LINGO2: variants seen among roughly 807,000 people sequenced by gnomAD.
LINGO2 encodes the protein leucine-rich repeat and immunoglobulin-like domain-containing nogo receptor-interacting protein 2.
Under a neutral mutation model 30.6 loss-of-function variants are expected in LINGO2, and 14 were observed. The ratio of observed to expected loss-of-function variants is 0.46; its 90% CI spans 0.30 to 0.72. LINGO2 has a LOEUF of 0.72. LINGO2 is among the 30% of genes least tolerant of loss of function. The pLI is 0.07. For missense variants in LINGO2, 729 were observed against 751.7 expected (o/e 0.97, Z 0.35); for synonymous variants, 317 against 288.5 (o/e 1.10, Z -1.00).
intron 1 of LINGO2, among the ~76,000 whole-genome samples, chr9:28,642,063 ATGTG>A (rs35732736): frequency 4.7e-5 from 7 of 149,360 alleles, no homozygotes; most frequent in African/African-American, 1.5e-4. Context: ...AATGTTATAT[ATGTG>A]TGTGTGTGTG....
the LINGO2 span, among the ~76,000 whole-genome samples, chr9:28,811,136 G>A: frequency 1.3e-5 from 2 of 151,864 alleles, no homozygotes; most frequent in African/African-American, 4.8e-5. Context: ...TTTGTAAATG[G>A]GATCATAATC....
the LINGO2 span, among the ~76,000 whole-genome samples, chr9:28,954,861 C>T: frequency 1.3e-5 from 2 of 152,062 alleles, no homozygotes; most frequent in South Asian, 2.1e-4. Context: ...ACATCACTCT[C>T]GTGAGTTAGA....
chr9:28,695,337 T>A, the LINGO2 span, among the ~76,000 whole-genome samples: 1 of 151,990 alleles, frequency 6.6e-6, no homozygotes, highest in Non-Finnish European at 1.5e-5. Flanking sequence ...TTAAAAATGA[T>A]AATATCCAGT....
chr9:29,064,954 A>G, the LINGO2 span, among the ~76,000 whole-genome samples: 1 of 152,110 alleles, frequency 6.6e-6, no homozygotes, highest in East Asian at 1.9e-4. Flanking sequence ...GAATGTCCCT[A>G]TATTACATTA....
intron 2 of LINGO2, among the ~76,000 whole-genome samples, chr9:28,388,514 C>T (rs1435478272): frequency 1.3e-5 from 2 of 152,134 alleles, no homozygotes; most frequent in African/African-American, 4.8e-5. Context: ...TTCCCAAATA[C>T]GTTTATTTGA....
At chr9:28,641,052 G>C (rs1279977641) in intron 1 of LINGO2, among the ~76,000 whole-genome samples, 2 of 151,978 alleles carry the variant, frequency 1.3e-5, no homozygotes, top group Non-Finnish European at 2.9e-5. Flanking sequence ...AATTTTTGTT[G>C]AGACGGAGTC....
intron 2 of LINGO2, among the ~76,000 whole-genome samples, chr9:28,454,281 C>T (rs763797971): frequency 1.3e-5 from 2 of 152,018 alleles, no homozygotes; most frequent in Non-Finnish European, 2.9e-5. Flanking sequence ...TTTTATGACA[C>T]TTTGCTAAAA....
At chr9:28,789,798 C>T in the LINGO2 span, among the ~76,000 whole-genome samples, 3 of 152,148 alleles carry the variant, frequency 2.0e-5, no homozygotes, top group East Asian at 1.9e-4. Context: ...TTCTTGACCC[C>T]ATGGACCATG....
At chr9:28,223,266 G>A (rs1821030645) in intron 4 of LINGO2, among the ~76,000 whole-genome samples, 1 of 152,224 alleles carries the variant, frequency 6.6e-6, no homozygotes, top group Admixed American at 6.5e-5. Context: ...AGGTTCAGTT[G>A]CCTGGTAAGG....
intron 4 of LINGO2, among the ~76,000 whole-genome samples, chr9:28,054,619 A>G (rs1027055998): frequency 6.6e-6 from 1 of 152,164 alleles, no homozygotes; most frequent in African/African-American, 2.4e-5. Flanking sequence ...ATCTTCCTCA[A>G]AAGTGAACAA....
chr9:28,927,220 G>C, the LINGO2 span, among the ~76,000 whole-genome samples: 1 of 152,194 alleles, frequency 6.6e-6, no homozygotes, highest in African/African-American at 2.4e-5. Flanking sequence ...GTAGCACTAT[G>C]AGCAGGTGGG....
chr9:28,798,511 T>G, the LINGO2 span, among the ~76,000 whole-genome samples: 1 of 152,078 alleles, frequency 6.6e-6, no homozygotes, highest in African/African-American at 2.4e-5. Context: ...TCCACTTATT[T>G]TCTCATTAAA....
chr9:28,568,156 A>G (rs1390989599), intron 1 of LINGO2, among the ~76,000 whole-genome samples: 2 of 152,140 alleles, frequency 1.3e-5, no homozygotes, highest in African/African-American at 4.8e-5. Flanking sequence ...ACCTTTGTGG[A>G]AGTGTGGGAG....
At chr9:28,155,052 T>C (rs185183446) in intron 4 of LINGO2, among the ~76,000 whole-genome samples, 1 of 152,350 alleles carries the variant, frequency 6.6e-6, no homozygotes, top group East Asian at 1.9e-4. Context: ...ATTGGTAGTT[T>C]ATTGCAGACA....
chr9:28,913,427 A>T, the LINGO2 span, among the ~76,000 whole-genome samples: 1 of 152,106 alleles, frequency 6.6e-6, no homozygotes, highest in Non-Finnish European at 1.5e-5. Flanking sequence ...AATCATACTC[A>T]ATGAAATTAG....
intron 4 of LINGO2, among the ~76,000 whole-genome samples, chr9:28,094,371 T>C (rs2133281064): frequency 6.6e-6 from 1 of 152,166 alleles, no homozygotes; most frequent in African/African-American, 2.4e-5. Flanking sequence ...TTTCCTCACC[T>C]CTCTAACCCA....
At chr9:28,508,411 A>G (rs893355330) in intron 1 of LINGO2, among the ~76,000 whole-genome samples, 2 of 152,120 alleles carry the variant, frequency 1.3e-5, no homozygotes, top group African/African-American at 4.8e-5. Flanking sequence ...TGCACTAAAT[A>G]CTAAAGGGAA....
At chr9:28,890,505 G>C in the LINGO2 span, among the ~76,000 whole-genome samples, 2 of 152,052 alleles carry the variant, frequency 1.3e-5, no homozygotes, top group Non-Finnish European at 2.9e-5. Context: ...GAATTATGAG[G>C]TTTATGTGGT....
the LINGO2 span, among the ~76,000 whole-genome samples, chr9:28,974,073 T>G: frequency 6.6e-6 from 1 of 152,178 alleles, no homozygotes; most frequent in Non-Finnish European, 1.5e-5. Flanking sequence ...CAATTCAAAA[T>G]AGTAACTACA....
Sources: allele counts gnomAD v4.1 joint callset (sites outside exome capture counted in the v4.1 genomes callset), GRCh38; gene constraint gnomAD v4.1.1; transcripts MANE v1.5; gene names NCBI Gene and HGNC (gene_info 2026-07-23, HGNC 2026-07-21).